TBX22: variants seen among roughly 807,000 people sequenced by gnomAD.
The protein encoded by TBX22 is T-box transcription factor TBX22.
In TBX22, 8 loss-of-function variants were observed where a neutral mutation model predicts 30.1. That is an observed-to-expected ratio of 0.27 (90% CI 0.16 to 0.48). The LOEUF is 0.48. Among genes scored for constraint, TBX22 ranks in the 20% least tolerant of loss-of-function variants. The probability of loss-of-function intolerance (pLI) is 0.99; values close to 1 mark genes in which losing one functional copy is unlikely to be tolerated. For missense variants in TBX22, 463 were observed against 400.5 expected (o/e 1.16, Z -1.33); for synonymous variants, 173 against 149.1 (o/e 1.16, Z -1.17).
In TBX22 at chrX:80,023,059, G is replaced by T; in HGVS notation, c.176-1G>T. ...CCTGAGCGCCTTTCTGTGTCCAGCAGAAAAACAACCTAAGACAGAGCCCTC... is the reference window on the plus strand; with the variant it reads ...CCTGAGCGCCTTTCTGTGTCCAGCATAAAAACAACCTAAGACAGAGCCCTC... On this transcript the variant is annotated splice_acceptor_variant, in intron 2 of 8. Transcript: ENST00000373296. LOFTEE classifies it high-confidence loss of function. 1 of 1,211,388 alleles carries T rather than the reference G, an allele frequency of 8.3e-7. No homozygotes were observed. Among genetic ancestry groups the T allele is most frequent in the Non-Finnish European group, 1.1e-6 (1 of 895,346 alleles).
At chrX:80,029,182 G>T (rs1793428795) in intron 8 of TBX22, among the ~76,000 whole-genome samples, 1 of 111,580 alleles carries the variant, frequency 9.0e-6, no homozygotes, top group African/African-American at 3.3e-5. Flanking sequence ...ACTTTTAAAT[G>T]CTTTATTATA....
rs756136529 is a variant in TBX22 at position 80,022,172 on chromosome X, C to T, written c.-2-96C>T. 23 of 869,462 alleles carry T rather than the reference C, an allele frequency of 2.6e-5. No homozygotes were observed. In the Admixed American group the frequency reaches 3.3e-4, roughly 13 times the overall value. 71.7% of individuals were successfully genotyped at this position (869,462 alleles called of 1,213,427 possible). On this transcript the variant is annotated intron_variant, in intron 1 of 8. Transcript: ENST00000373296. ...TTGTTTTTCCCGCTTTCCCTCCTTC[C>T]TTCACCCTCTGTGCCCTCCGCCTGT...
Position 80,023,179 on chromosome X carries a change from T to C in TBX22, c.295T>C (p.Ser99Pro). The part of the protein sequence containing the change: ...EKDIQMELQG[S>P]ELWKRFHDIG... ...AGATATTCAAATGGAGCTTCAAGGA[T>C]CTGAACTGTGGAAAAGATTCCATGA... The change falls in exon 3 of 9, where the codon TCT becomes CCT. Residue 99 changes from serine to proline, a missense_variant. Transcript: ENST00000373296. 1 of 1,211,731 alleles carries C rather than the reference T, an allele frequency of 8.3e-7. No individual in the cohort carries two copies. The highest frequency in any genetic ancestry group is 1.1e-6 in the Non-Finnish European group (1 of 895,405).
intron 8 of TBX22, among the ~76,000 whole-genome samples, chrX:80,028,531 C>T (rs764517519): frequency 4.1e-4 from 46 of 111,484 alleles, no homozygotes; most frequent in Non-Finnish European, 8.5e-4. Context: ...CTTTTTTGTT[C>T]ATGGGGAAAG....
At chrX:80,016,637 C>A (rs1259186657) in intron 1 of TBX22, among the ~76,000 whole-genome samples, 1 of 111,316 alleles carries the variant, frequency 9.0e-6, no homozygotes, top group African/African-American at 3.3e-5. Flanking sequence ...TTTTTCAAAT[C>A]CTAGCCCACT....
At chrX:80,027,797 C>T (rs1358334913) in intron 7 of TBX22, among the ~76,000 whole-genome samples, 194 bp from the exon 8 acceptor site, 4 of 112,403 alleles carry the variant, frequency 3.6e-5, no homozygotes. Context: ...CTTCCTCCCA[C>T]TCCTTTGCTA....
intron 1 of TBX22, among the ~76,000 whole-genome samples, chrX:80,015,435 C>G (rs1369669128): frequency 8.9e-6 from 1 of 112,482 alleles, no homozygotes; most frequent in African/African-American, 3.2e-5. Context: ...CCAAGGAGCT[C>G]TAGATCCACA....
In TBX22 at chrX:80,028,043, C is replaced by CT. The variant is rs1569299929; in HGVS notation, c.917dup (p.Asp307ArgfsTer3). 8.3e-7 allele frequency: 1 copy of CT among 1,211,206 alleles called. No homozygotes were observed. Among genetic ancestry groups the CT allele is most frequent in the Admixed American group, 2.2e-5 (1 of 46,017 alleles). The stretch of plus-strand genomic sequence containing the variant: ...CTACCCATGGAGGCCTTCTTTCACT[C>CT]TCGATTTTAAAACCTTTGGCGCAGA... On this transcript the variant is annotated frameshift_variant, in exon 8 of 9. Transcript: ENST00000373296. LOFTEE classifies it high-confidence loss of function.
chrX:80,020,325 TATAG>T lies in TBX22; in HGVS notation c.-2-1933_-2-1930del, dbSNP rs1454708714. ...GATAGATAGATAGATAGATGATACA[TATAG>T]ATAGATAGACAGATAGATAGATAGA... is the stretch of plus-strand genomic sequence containing the variant. On this transcript the variant is annotated intron_variant, in intron 1 of 8. Transcript: ENST00000373296. Among the ~76,000 whole-genome samples the T allele has an allele frequency of 7.2e-5, 5 of 69,101 alleles. No homozygotes were observed. The Admixed American group carries it at 7.6e-4, about 11-fold the overall frequency. The allele number at this position is 69,101 out of a possible 115,157, so 60.0% of individuals were successfully genotyped here.
At chrX:80,029,429 T>C (rs1042890254) in intron 8 of TBX22, among the ~76,000 whole-genome samples, 2 of 112,324 alleles carry the variant, frequency 1.8e-5, no homozygotes, top group African/African-American at 6.5e-5. Context: ...ACGTCATTGA[T>C]ATGAACACTT....
Position 80,027,265 on chromosome X carries a change from C to A in TBX22, c.808C>A (p.Leu270Ile), listed in dbSNP as rs1924019509. 9.3e-7 allele frequency: 1 copy of A among 1,077,339 alleles called. No individual in the cohort carries two copies. Among genetic ancestry groups the A allele is most frequent in the Non-Finnish European group, 1.3e-6 (1 of 775,378 alleles). The allele number at this position is 1,077,339 out of a possible 1,213,427, so 88.8% of individuals were successfully genotyped here. The change falls in exon 7 of 9, where the codon CTA becomes ATA. Residue 270 changes from leucine to isoleucine, a missense_variant. Coordinates refer to ENST00000373296, the MANE Select transcript of TBX22 (RefSeq NM_001109878.2). The part of the protein sequence containing the change: ...TAYQNQQITK[L>I]KIERNPFAKG... ...TCTATTGAATCCATAGATTACGAAA[C>A]TAAAAATAGAAAGAAATCCTTTTGC...
chrX:80,017,201 T>C (rs1159249328), intron 1 of TBX22, among the ~76,000 whole-genome samples: 1 of 110,010 alleles, frequency 9.1e-6, no homozygotes, highest in Non-Finnish European at 1.9e-5. Context: ...TCAGTTAATA[T>C]ATGACTGTGC....
rs1389564884 is a variant in TBX22 at position 80,027,020 on chromosome X, G to C, written c.798+152G>C. 4 of 656,029 alleles carry C rather than the reference G, an allele frequency of 6.1e-6. No homozygotes were observed. The Admixed American group carries it at 1.1e-4, about 18-fold the overall frequency. The allele number at this position is 656,029 out of a possible 1,213,427, so 54.1% of individuals were successfully genotyped here. On this transcript the variant is annotated intron_variant, in intron 6 of 8. Transcript: ENST00000373296. ...TTGTCATCCATGCAAGTTTGATAAT[G>C]AATTGTATAAATCTTATGGGAGAAG...
intron 1 of TBX22, among the ~76,000 whole-genome samples, chrX:80,020,352 A>G (rs918186787): frequency 9.1e-6 from 1 of 110,240 alleles, no homozygotes; most frequent in Non-Finnish European, 1.9e-5. Flanking sequence ...ATAGATAGAT[A>G]GATCTTCTGA....
chrX:80,022,183 G>C, intron 1 of TBX22, 85 bp from the exon 2 acceptor site: 1 of 943,881 alleles, frequency 1.1e-6, no homozygotes, highest in South Asian at 2.0e-5. Context: ...TTCACCCTCT[G>C]TGCCCTCCGC....
rs1422301864 is a variant in TBX22 at position 80,030,544 on chromosome X, C to A, written c.996C>A (p.Pro332=). ...CAGTGACCTCTAGTGGAGGGGCCCC[C>A]TCTCCTTTGAACTCCTTACTTTCTC... ...SSPVTSSGGA[P]SPLNSLLSPL... is the part of the protein sequence containing the mutation. The change falls in exon 9 of 9, where the codon CCC becomes CCA. Residue 332 remains proline, a synonymous_variant. Coordinates refer to ENST00000373296, the MANE Select transcript of TBX22 (RefSeq NM_001109878.2). The A allele has an allele frequency of 1.7e-6, 2 of 1,209,440 alleles. No homozygotes were observed. Among genetic ancestry groups the A allele is most frequent in the Non-Finnish European group, 2.2e-6 (2 of 894,897 alleles).
rs185298778 is a variant in TBX22, at chrX:80,022,261, C to G, written c.-2-7C>G. The G allele has an allele frequency of 8.7e-4, 1,048 of 1,208,653 alleles. 6 individuals are homozygous for G. In the African/African-American group the frequency reaches 0.016, roughly 19 times the overall value. On this transcript the variant is annotated splice_region_variant and splice_polypyrimidine_tract_variant and intron_variant, in intron 1 of 8. Transcript: ENST00000373296. ...TTTGCTGCAAAGAATCCCTTCACCC[C>G]CTCCAGGGATGGCTCTGAGCTCTCG...
At chrX:80,015,609 C>T (rs1198025055) in intron 1 of TBX22, among the ~76,000 whole-genome samples, 1 of 111,950 alleles carries the variant, frequency 8.9e-6, no homozygotes. Context: ...AGCTTGAGCT[C>T]ATACACCGCA....
At position 80,025,617 on chromosome X, in the gene TBX22, G is replaced by A; in HGVS notation, c.473G>A (p.Ser158Asn). 8.3e-7 allele frequency: 1 copy of A among 1,209,481 alleles called. No homozygotes were observed. Among genetic ancestry groups the A allele is most frequent in the Non-Finnish European group, 1.1e-6 (1 of 893,694 alleles). The change falls in exon 5 of 9, where the codon AGC (serine) becomes AAC (asparagine). Residue 158 changes from serine (S) to asparagine (N), a missense_variant. Ser to Asn is a conservative substitution (Grantham distance 46). Coordinates refer to ENST00000373296, the MANE Select transcript of TBX22 (RefSeq NM_001109878.2). ...DSKRYRYVYH[S>N]SQWMVAGNTD... ...TGTTTTTTCAGGTACGTCTATCACA[G>A]CTCACAGTGGATGGTAGCTGGGAAT...
Sources: allele counts gnomAD v4.1 joint callset (sites outside exome capture counted in the v4.1 genomes callset), GRCh38; gene constraint gnomAD v4.1.1; transcripts MANE v1.5; gene names NCBI Gene and HGNC (gene_info 2026-07-23, HGNC 2026-07-21).